The following TNIP3 variants were observed in gnomAD, a reference collection of about 807,000 sequenced individuals.
TNIP3 encodes TNFAIP3 interacting protein 3, also known as TNFAIP3-interacting protein 3.
A neutral mutation model predicts 54.1 loss-of-function variants in TNIP3; 34 were observed. That is an observed-to-expected ratio of 0.63 (90% CI 0.48 to 0.84). The LOEUF is 0.84. Ranked by LOEUF, TNIP3 falls within the 40% of genes least tolerant of loss-of-function variation. TNIP3 has a pLI of 0.00. For synonymous variants in TNIP3, 134 were observed against 136.8 expected (o/e 0.98, Z 0.14); for missense variants, 366 against 387.6 (o/e 0.94, Z 0.47).
intron 7 of TNIP3, among the ~76,000 whole-genome samples, chr4:121,146,348 C>A (rs1174312958): frequency 6.6e-6 from 1 of 152,082 alleles, no homozygotes; most frequent in East Asian, 1.9e-4. Flanking sequence ...TAACAATGTT[C>A]TATTTATTTA....
Position 121,145,581 on chromosome 4 carries a change from T to C in TNIP3, c.735+1468A>G, listed in dbSNP as rs74571284. ...TGCCAGTCTATCACCAATCTTAATATAGTAGAATAAATAAAATTATTTAAT... is the reference window on the plus strand; with the variant it reads ...TGCCAGTCTATCACCAATCTTAATACAGTAGAATAAATAAAATTATTTAAT... On this transcript the variant is annotated intron_variant, in intron 7 of 10. Transcript: ENST00000057513. Among the ~76,000 whole-genome samples the C allele has an allele frequency of 2.0e-5, 3 of 150,468 alleles. No individual in the cohort carries two copies. The East Asian group carries it at 5.8e-4, about 29-fold the overall frequency.
chr4:121,181,354 G>T (rs1032836468), intron 3 of TNIP3, among the ~76,000 whole-genome samples: 1 of 152,198 alleles, frequency 6.6e-6, no homozygotes, highest in African/African-American at 2.4e-5. Context: ...CTAGTTGGGA[G>T]TTGGAGGTGT....
Position 121,132,344 on chromosome 4 carries a change from C to T in TNIP3, c.*287G>A. 2 of 393,260 alleles carry T rather than the reference C, an allele frequency of 5.1e-6. No individual in the cohort carries two copies. The highest frequency in any genetic ancestry group is 6.8e-4 in the Middle Eastern group (1 of 1,460). 24.4% of individuals were successfully genotyped at this position (393,260 alleles called of 1,614,324 possible). A position where few individuals can be genotyped will look rare whatever the true frequency, so the allele number is the denominator to read the frequency against. On this transcript the variant is annotated 3_prime_UTR_variant, in exon 11 of 11. Transcript: ENST00000057513. ...TTTTTGTGCATCCAACAGCAATATG[C>T]TGAAGAGATTTTCAGGGAGTCGTGC...
At chr4:121,187,342 T>G (rs1234916708) in intron 2 of TNIP3, among the ~76,000 whole-genome samples, 1 of 152,238 alleles carries the variant, frequency 6.6e-6, no homozygotes, top group Non-Finnish European at 1.5e-5. Context: ...ATGGCTCCAA[T>G]GATCTCTGCT....
intron 9 of TNIP3, among the ~76,000 whole-genome samples, chr4:121,139,154 G>A (rs541209930): frequency 7.2e-5 from 11 of 152,302 alleles, no homozygotes; most frequent in South Asian, 4.1e-4. Flanking sequence ...ATTTGGCATT[G>A]ACAGAAGTTC....
intron 1 of TNIP3, among the ~76,000 whole-genome samples, chr4:121,225,879 A>G (rs1727235333): frequency 6.6e-6 from 1 of 152,140 alleles, no homozygotes; most frequent in East Asian, 1.9e-4. Flanking sequence ...ACACTGTGCC[A>G]CAGGTCTCTT....
chr4:121,157,735 G>C (rs1451256093), intron 3 of TNIP3, among the ~76,000 whole-genome samples: 1 of 152,180 alleles, frequency 6.6e-6, no homozygotes, highest in Non-Finnish European at 1.5e-5. Flanking sequence ...CAGGTCCTCA[G>C]AGTGGCCACA....
At chr4:121,144,388 A>C (rs1049274251) in intron 7 of TNIP3, among the ~76,000 whole-genome samples, 1 of 152,064 alleles carries the variant, frequency 6.6e-6, no homozygotes, top group Non-Finnish European at 1.5e-5. Flanking sequence ...AATGTTTTCT[A>C]AAGCGTTTTT....
Position 121,139,791 on chromosome 4 carries a change from T to A in TNIP3, c.886-1107A>T, listed in dbSNP as rs562330157. On this transcript the variant is annotated intron_variant, in intron 9 of 10. Transcript: ENST00000057513. ...AATGAGATCACCTCTGTTTTTTATC[T>A]TCTCGTTTATTTTTAGATGTCTCAA... Among the ~76,000 whole-genome samples the A allele has an allele frequency of 1.4e-4, 22 of 152,320 alleles. No individual in the cohort carries two copies. In the South Asian group the frequency reaches 4.4e-3, roughly 30 times the overall value.
At chr4:121,218,609 C>T (rs1010649220), upstream of TNIP3, among the ~76,000 whole-genome samples, 2 of 151,148 alleles carry the variant, frequency 1.3e-5, no homozygotes, top group Admixed American at 6.6e-5. Context: ...TCCTTCTCCC[C>T]GTCCCTCTTC....
chr4:121,195,094 G>A (rs759129869), intron 2 of TNIP3, among the ~76,000 whole-genome samples: 6 of 152,108 alleles, frequency 3.9e-5, no homozygotes, highest in African/African-American at 7.2e-5. Context: ...CTTGAACCCC[G>A]GAAGCAGAGG....
intron 3 of TNIP3, among the ~76,000 whole-genome samples, chr4:121,170,908 C>T (rs554489708): frequency 2.6e-5 from 4 of 152,160 alleles, no homozygotes; most frequent in South Asian, 2.1e-4. Flanking sequence ...CTCTGCCTCC[C>T]GGGTTCAAGA....
chr4:121,199,155 C>T (rs1725750455), intron 2 of TNIP3, among the ~76,000 whole-genome samples: 1 of 151,914 alleles, frequency 6.6e-6, no homozygotes, highest in Non-Finnish European at 1.5e-5. Context: ...TAATTCAAAA[C>T]AAAAAACAAA....
chr4:121,196,697 G>T (rs953568057), intron 2 of TNIP3, among the ~76,000 whole-genome samples: 2 of 151,602 alleles, frequency 1.3e-5, no homozygotes, highest in African/African-American at 4.8e-5. Context: ...AACAAATGCT[G>T]AATAAATAAA....
intron 5 of TNIP3, among the ~76,000 whole-genome samples, chr4:121,152,410 A>G (rs1395712393): frequency 1.3e-5 from 2 of 152,362 alleles, no homozygotes; most frequent in Admixed American, 6.5e-5. Flanking sequence ...GGGACAGCTT[A>G]AAGTATAGAT....
intron 3 of TNIP3, among the ~76,000 whole-genome samples, chr4:121,179,047 A>G (rs1724531054): frequency 6.6e-6 from 1 of 152,256 alleles, no homozygotes; most frequent in Non-Finnish European, 1.5e-5. Context: ...TTTCAAAACC[A>G]GAAAGGTTTG....
At chr4:121,167,229 A>G (rs1730814889), upstream of TNIP3, among the ~76,000 whole-genome samples, 2 of 152,160 alleles carry the variant, frequency 1.3e-5, no homozygotes, top group African/African-American at 4.8e-5. Flanking sequence ...TGAAATGTAC[A>G]CACACATACA....
In TNIP3 at chr4:121,132,526, G is replaced by A. The variant is rs776653022; in HGVS notation, c.*105C>T. 3.8e-6 allele frequency: 4 copies of A among 1,063,360 alleles called. No homozygotes were observed. The highest frequency in any genetic ancestry group is 4.3e-6 in the Non-Finnish European group (3 of 694,292). The allele number at this position is 1,063,360 out of a possible 1,614,324, so 65.9% of individuals were successfully genotyped here. On this transcript the variant is annotated 3_prime_UTR_variant, in exon 11 of 11. Coordinates refer to ENST00000057513, the MANE Select transcript of TNIP3 (RefSeq NM_024873.6). Reference sequence around the variant, plus strand: ...ATGACCAGGCACAAATAACAGGGTAGATGATGTGCCTTTGTGGCAGAAACA... The same window carrying A: ...ATGACCAGGCACAAATAACAGGGTAAATGATGTGCCTTTGTGGCAGAAACA...
rs984546992 is a variant in TNIP3 at position 121,198,298 on chromosome 4, A to G, written c.69-15502T>C. On this transcript the variant is annotated intron_variant, in intron 2 of 12. Coordinates refer to the TNIP3 transcript ENST00000507879. Reference sequence around the variant, plus strand: ...GGCTGAAAAGTAGCACATGACCTTCATTGTAAAGAATTGCATTTAGAGAAG... The same window carrying G: ...GGCTGAAAAGTAGCACATGACCTTCGTTGTAAAGAATTGCATTTAGAGAAG... 3.3e-5 allele frequency among the ~76,000 whole-genome samples: 5 copies of G among 152,230 alleles called. No homozygotes were observed. In the East Asian group the frequency reaches 9.6e-4, roughly 29 times the overall value.
Sources: allele counts gnomAD v4.1 joint callset (sites outside exome capture counted in the v4.1 genomes callset), GRCh38; gene constraint gnomAD v4.1.1; transcripts MANE v1.5; gene names NCBI Gene and HGNC (gene_info 2026-07-23, HGNC 2026-07-21).